The following GALNT17 variants were observed in gnomAD, a reference collection of about 807,000 sequenced individuals.
GALNT17 encodes the protein polypeptide N-acetylgalactosaminyltransferase 17.
Under a neutral mutation model 63.7 loss-of-function variants are expected in GALNT17, and 29 were observed. The observed-to-expected ratio is 0.46, with a 90% CI of 0.34 to 0.62. The LOEUF is 0.62. Among genes scored for constraint, GALNT17 ranks in the 20% least tolerant of loss-of-function variants. The probability of loss-of-function intolerance (pLI) is 0.01; values close to 1 mark genes in which losing one functional copy is unlikely to be tolerated. For missense variants in GALNT17, 603 were observed against 799.6 expected, an observed-to-expected ratio of 0.75 and a Z score of 2.97; for synonymous variants, 305 against 318.3, an observed-to-expected ratio of 0.96 and a Z score of 0.45.
intron 5 of GALNT17, among the ~76,000 whole-genome samples, chr7:71,486,056 A>C (rs1423559084): frequency 2.6e-5 from 4 of 152,144 alleles, no homozygotes; most frequent in African/African-American, 9.7e-5. Context: ...GGCCAGGCAC[A>C]GTGGCTCATG....
At chr7:71,609,018 T>A (rs1336768158) in intron 6 of GALNT17, among the ~76,000 whole-genome samples, 3 of 151,202 alleles carry the variant, frequency 2.0e-5, no homozygotes, top group Non-Finnish European at 4.4e-5. Context: ...TGGGCTCAAG[T>A]GATCCTCCCA....
intron 5 of GALNT17, among the ~76,000 whole-genome samples, chr7:71,561,909 A>G (rs1789262398): frequency 6.6e-6 from 1 of 151,598 alleles, no homozygotes; most frequent in Non-Finnish European, 1.5e-5. Context: ...CTGGAGATAG[A>G]CACTCCCCTG....
intron 6 of GALNT17, among the ~76,000 whole-genome samples, chr7:71,594,340 A>G (rs1789856603): frequency 6.6e-6 from 1 of 152,072 alleles, no homozygotes; most frequent in South Asian, 2.1e-4. Context: ...CCCAGGCTGG[A>G]GTGCAGTGGC....
intron 5 of GALNT17, 92 bp from the exon 6 acceptor site, chr7:71,571,193 A>G (rs1267899357): frequency 1.8e-6 from 2 of 1,096,016 alleles, no homozygotes; most frequent in South Asian, 1.3e-5. Flanking sequence ...AGTACATGCT[A>G]GACCGGAACC....
At chr7:71,366,555 T>TG (rs753383996) in intron 2 of GALNT17, among the ~76,000 whole-genome samples, 5 of 151,736 alleles carry the variant, frequency 3.3e-5, no homozygotes, top group African/African-American at 7.3e-5. Context: ...CACTCCAGCC[T>TG]GGCGACAGAG....
At chr7:71,540,531 C>T (rs992734660) in intron 5 of GALNT17, among the ~76,000 whole-genome samples, 6 of 152,108 alleles carry the variant, frequency 3.9e-5, no homozygotes, top group Admixed American at 1.3e-4. Flanking sequence ...ACAGCAGTGA[C>T]TCAGCAGAAC....
intron 6 of GALNT17, among the ~76,000 whole-genome samples, chr7:71,655,609 G>A (rs1472262268): frequency 6.6e-6 from 1 of 152,172 alleles, no homozygotes; most frequent in African/African-American, 2.4e-5. Context: ...TAGTTTCCGG[G>A]GGAAGAATGC....
rs1413672896 is a variant in GALNT17 at position 71,132,847 on chromosome 7, G to A, written c.45G>A (p.Leu15=). 1.9e-6 allele frequency: 3 copies of A among 1,612,612 alleles called. No individual in the cohort carries two copies. The South Asian group carries it at 3.3e-5, about 18-fold the overall frequency. The change falls in exon 1 of 11, where the codon TTG becomes TTA. Residue 15 remains leucine (L), a synonymous_variant. Coordinates refer to ENST00000333538, the MANE Select transcript of GALNT17 (RefSeq NM_022479.3). ...TCAAAGTGCTGTTGGTGTTGAACTT[G>A]ATCGCGGTAGCCGGCTTCGTGCTCT... ...RRVKVLLVLN[L]IAVAGFVLFL...
At chr7:71,385,966 C>T (rs978234267) in intron 2 of GALNT17, among the ~76,000 whole-genome samples, 2 of 152,214 alleles carry the variant, frequency 1.3e-5, no homozygotes, top group Non-Finnish European at 2.9e-5. Context: ...CTTGGGAAGG[C>T]CGAGGCAGGC....
rs935201299 is a variant in GALNT17, at chr7:71,712,199, C to T, written c.*53C>T. 4.4e-6 allele frequency: 7 copies of T among 1,584,024 alleles called. No homozygotes were observed. Among genetic ancestry groups the T allele is most frequent in the Admixed American group, 1.8e-5 (1 of 55,240 alleles). On this transcript the variant is annotated 3_prime_UTR_variant, in exon 11 of 11. Coordinates refer to ENST00000333538, the MANE Select transcript of GALNT17 (RefSeq NM_022479.3). The stretch of plus-strand genomic sequence containing the variant: ...GGCCCCCAGGACATGGCTGCTCCCC[C>T]CAACATCTGGACCAGCTGCCCTGGC...
At chr7:71,443,510 C>T (rs866587239) in intron 5 of GALNT17, among the ~76,000 whole-genome samples, 2 of 152,120 alleles carry the variant, frequency 1.3e-5, no homozygotes, top group Non-Finnish European at 2.9e-5. Context: ...CATCTTAGAG[C>T]TGGTTGTTTA....
chr7:71,170,848 T>A (rs1788534913), intron 1 of GALNT17, among the ~76,000 whole-genome samples: 1 of 152,202 alleles, frequency 6.6e-6, no homozygotes, highest in East Asian at 1.9e-4. Flanking sequence ...TGCTTTTTAA[T>A]GAAAGTTGAT....
intron 1 of GALNT17, among the ~76,000 whole-genome samples, chr7:71,222,254 T>C (rs890093438): frequency 6.6e-6 from 1 of 152,048 alleles, no homozygotes; most frequent in African/African-American, 2.4e-5. Context: ...TTATTTTCTG[T>C]TCCCAAATCC....
chr7:71,450,591 G>T (rs188402762), intron 5 of GALNT17, among the ~76,000 whole-genome samples: 1 of 152,128 alleles, frequency 6.6e-6, no homozygotes. Context: ...TTTTTAGTAC[G>T]TTCACAGAGT....
chr7:71,194,966 T>C (rs1418311010), intron 1 of GALNT17, among the ~76,000 whole-genome samples: 1 of 152,174 alleles, frequency 6.6e-6, no homozygotes, highest in Non-Finnish European at 1.5e-5. Context: ...GGTTCTTGGA[T>C]GTAAGTTGAT....
chr7:71,541,857 G>T (rs1186156858), intron 5 of GALNT17, among the ~76,000 whole-genome samples: 3 of 152,168 alleles, frequency 2.0e-5, no homozygotes, highest in Non-Finnish European at 4.4e-5. Context: ...TCAGTTACTT[G>T]CACATCGTGT....
At chr7:71,648,856 A>G (rs1215491193) in intron 6 of GALNT17, among the ~76,000 whole-genome samples, 1 of 152,162 alleles carries the variant, frequency 6.6e-6, no homozygotes, top group Non-Finnish European at 1.5e-5. Flanking sequence ...TTTGATTTCA[A>G]CTCAACCAAG....
intron 6 of GALNT17, among the ~76,000 whole-genome samples, chr7:71,607,505 T>C (rs1790064137): frequency 1.3e-5 from 2 of 152,302 alleles, no homozygotes; most frequent in Non-Finnish European, 2.9e-5. Flanking sequence ...TTTATACCTA[T>C]TAATCATAAA....
In GALNT17 at chr7:71,568,790, A is replaced by G. The variant is rs187649533; in HGVS notation, c.963-2495A>G. 1.2e-4 allele frequency among the ~76,000 whole-genome samples: 19 copies of G among 152,336 alleles called. No homozygotes were observed. In the East Asian group the frequency reaches 3.5e-3, roughly 28 times the overall value. On this transcript the variant is annotated intron_variant, in intron 5 of 10. Coordinates refer to ENST00000333538, the MANE Select transcript of GALNT17 (RefSeq NM_022479.3). Reference sequence around the variant, plus strand: ...AATTATCTATTGATACTATACTACAATGCACAATGTAATACAATACAATAC... The same window carrying G: ...AATTATCTATTGATACTATACTACAGTGCACAATGTAATACAATACAATAC...
Sources: allele counts gnomAD v4.1 joint callset (sites outside exome capture counted in the v4.1 genomes callset), GRCh38; gene constraint gnomAD v4.1.1; transcripts MANE v1.5; gene names NCBI Gene and HGNC (gene_info 2026-07-23, HGNC 2026-07-21).